The following DRC7 variants were observed in gnomAD, a reference collection of about 807,000 sequenced individuals.
DRC7 encodes the protein dynein regulatory complex subunit 7, also known as coiled-coil domain containing 135.
Under a neutral mutation model 104.4 loss-of-function variants are expected in DRC7, and 80 were observed. The observed-to-expected ratio is 0.77, with a 90% CI of 0.64 to 0.92. The LOEUF (loss-of-function observed/expected upper bound fraction) is 0.92, where lower values mean the gene tolerates loss of function less well. Ranked by LOEUF, DRC7 falls within the 40% of genes least tolerant of loss-of-function variation. DRC7 has a pLI of 0.00. For synonymous variants in DRC7, 405 were observed against 447.3 expected (o/e 0.91, Z 1.19); for missense variants, 1,034 against 1,141.1 (o/e 0.91, Z 1.35).
chr16:57,705,789 T>TCCATCCATCCTC (rs1567875210), intron 7 of DRC7, among the ~76,000 whole-genome samples: 3 of 119,056 alleles, frequency 2.5e-5, no homozygotes, highest in African/African-American at 6.6e-5. Context: ...CATCCTCCCA[T>TCCATCCATCCTC]CCATCCATCC....
chr16:57,707,438 G>C, intron 7 of DRC7, 22 bp from the exon 8 acceptor site: 2 of 1,602,740 alleles, frequency 1.2e-6, no homozygotes, highest in Non-Finnish European at 1.7e-6. Context: ...CTGACTCGTA[G>C]TCACCCACCT....
chr16:57,728,747 ACACTTGT>A (rs2049004763), intron 17 of DRC7, among the ~76,000 whole-genome samples, 163 bp downstream of exon 17: 1 of 134,748 alleles, frequency 7.4e-6, no homozygotes, highest in African/African-American at 2.7e-5. Flanking sequence ...GTTCCTCCTC[ACACTTGT>A]TTATCGGATA....
At chr16:57,722,580 C>G (rs552236568) in intron 10 of DRC7, 133 bp from the exon 11 acceptor site, 2 of 1,255,466 alleles carry the variant, frequency 1.6e-6, no homozygotes, top group African/African-American at 1.5e-5. Context: ...TCCTCGGCCT[C>G]CCTGGATCAG....
intron 12 of DRC7, among the ~76,000 whole-genome samples, chr16:57,724,250 C>T (rs971197651): frequency 7.1e-6 from 1 of 140,822 alleles, no homozygotes; most frequent in Admixed American, 7.9e-5. Context: ...GCGGAGACTG[C>T]GGTGAGCTGA....
At chr16:57,718,537 G>A (rs2048869618) in intron 9 of DRC7, 62 bp downstream of exon 9, 17 of 1,593,082 alleles carry the variant, frequency 1.1e-5, no homozygotes, top group Non-Finnish European at 1.5e-5. Context: ...AGCCTGACAA[G>A]TGTCCCCAGC....
At chr16:57,704,420 T>A (rs1477468923) in intron 6 of DRC7, among the ~76,000 whole-genome samples, 2 of 150,260 alleles carry the variant, frequency 1.3e-5, no homozygotes, top group Non-Finnish European at 2.9e-5. Context: ...TTCTTCTCCT[T>A]CCTGGCCCAG....
In DRC7 at chr16:57,705,040, T is replaced by A. The variant is rs767163750; in HGVS notation, c.858+6T>A. The A allele has an allele frequency of 3.1e-6, 5 of 1,610,524 alleles. No individual in the cohort carries two copies. The highest frequency in any genetic ancestry group is 2.5e-6 in the Non-Finnish European group (3 of 1,179,404). ...AGGAGGAGGAGCGCCTCATGGTGGG[T>A]CCTCAGCCCTGAATCCCCTGGGCTC... is the stretch of plus-strand genomic sequence containing the variant. On this transcript the variant is annotated splice_donor_region_variant and intron_variant, in intron 7 of 18. Transcript: ENST00000360716.
intron 4 of DRC7, 123 bp downstream of exon 4, chr16:57,699,147 C>A: frequency 6.0e-6 from 7 of 1,170,820 alleles, no homozygotes; most frequent in Non-Finnish European, 8.4e-6. Context: ...TGGGCCAGAG[C>A]GCTTCTAGTC....
chr16:57,726,416 G>T (rs2048966259), intron 14 of DRC7, 133 bp downstream of exon 14: 2 of 765,312 alleles, frequency 2.6e-6, no homozygotes. Context: ...TTTGCTCTTT[G>T]GGAAAACCAA....
chr16:57,705,203 G>A (rs2048699687), intron 7 of DRC7, among the ~76,000 whole-genome samples, 169 bp downstream of exon 7: 1 of 152,062 alleles, frequency 6.6e-6, no homozygotes, highest in South Asian at 2.1e-4. Flanking sequence ...TCCCACTGGT[G>A]GTCAGCCAGC....
intron 16 of DRC7, among the ~76,000 whole-genome samples, chr16:57,727,925 G>C (rs574555704): frequency 6.6e-6 from 1 of 152,350 alleles, no homozygotes; most frequent in African/African-American, 2.4e-5. Context: ...GATCCCAGGG[G>C]AGGGTGTCAG....
intron 9 of DRC7, among the ~76,000 whole-genome samples, chr16:57,721,133 T>C (rs543010500): frequency 6.6e-5 from 10 of 152,252 alleles, no homozygotes; most frequent in Middle Eastern, 3.4e-3. Context: ...GGAGAATCAC[T>C]TGAACCTGGG....
At chr16:57,722,891 G>A in intron 11 of DRC7, 50 bp downstream of exon 11, 5 of 1,612,542 alleles carry the variant, frequency 3.1e-6, no homozygotes, top group South Asian at 1.1e-5. Flanking sequence ...AGGGGCGGGG[G>A]CGGCTTCTAC....
Position 57,726,300 on chromosome 16 carries a change from C to T in DRC7, c.1974+17C>T. ...AGCTTCGAGGTGGGCCTGGGGGCCA[C>T]GGCGGGCAGGGGTCGGCTGCAGGAG... On this transcript the variant is annotated intron_variant, in intron 14 of 18. Coordinates refer to ENST00000360716, the MANE Select transcript of DRC7 (RefSeq NM_001289162.2). The T allele has an allele frequency of 6.2e-7, 1 of 1,601,150 alleles. No homozygotes were observed. Among genetic ancestry groups the T allele is most frequent in the Non-Finnish European group, 8.5e-7 (1 of 1,170,200 alleles).
At chr16:57,712,277 A>C (rs2048797803) in intron 8 of DRC7, among the ~76,000 whole-genome samples, 1 of 152,222 alleles carries the variant, frequency 6.6e-6, no homozygotes, top group African/African-American at 2.4e-5. Context: ...AGTCACATTT[A>C]TATCCACTTT....
At chr16:57,701,109 G>C (rs1435170429) in intron 5 of DRC7, among the ~76,000 whole-genome samples, 1 of 152,176 alleles carries the variant, frequency 6.6e-6, no homozygotes, top group Non-Finnish European at 1.5e-5. Flanking sequence ...GGTAGGTAAG[G>C]GGGAGGAAGG....
At position 57,718,587 on chromosome 16, in the gene DRC7, G is replaced by C; in HGVS notation, c.1206+112G>C. On this transcript the variant is annotated intron_variant, in intron 9 of 18. Transcript: ENST00000360716. Reference sequence around the variant, plus strand: ...AGTGGGGGATGGCCCAAGTAGACCAGTGATGGGTTCCTCAAAGCAGGAAGG... The same window carrying C: ...AGTGGGGGATGGCCCAAGTAGACCACTGATGGGTTCCTCAAAGCAGGAAGG... 2.4e-6 allele frequency: 3 copies of C among 1,263,482 alleles called. No individual in the cohort carries two copies. The East Asian group carries it at 7.1e-5, about 30-fold the overall frequency. 78.3% of individuals were successfully genotyped at this position (1,263,482 alleles called of 1,614,324 possible). A position where few individuals can be genotyped will look rare whatever the true frequency, so the allele number is the denominator to read the frequency against.
chr16:57,698,692 A>AAT (rs2048623927), intron 3 of DRC7, among the ~76,000 whole-genome samples, 158 bp from the exon 4 acceptor site: 2 of 152,146 alleles, frequency 1.3e-5, no homozygotes, highest in Admixed American at 6.5e-5. Flanking sequence ...CTGTCTCTTA[A>AAT]ATATATATAT....
intron 16 of DRC7, 49 bp downstream of exon 16, chr16:57,727,458 G>A: frequency 7.2e-7 from 1 of 1,394,180 alleles, no homozygotes; most frequent in Non-Finnish European, 1.0e-6. Context: ...AGACCCCCCT[G>A]GTCTCCAGGG....
Sources: gnomAD v4.1 joint callset for allele counts (sites outside exome capture counted in the v4.1 genomes callset) on GRCh38, gnomAD v4.1.1 for gene constraint, MANE v1.5 for transcripts, NCBI Gene and HGNC (gene_info 2026-07-23, HGNC 2026-07-21) for gene names.